GHR: variants seen among roughly 807,000 people sequenced by gnomAD.
GHR encodes GH receptor.
In GHR, 35 loss-of-function variants were observed where a neutral mutation model predicts 67.1. The observed-to-expected ratio is 0.52, with a 90% CI of 0.40 to 0.69. The LOEUF is 0.69. Among genes scored for constraint, GHR ranks in the 30% least tolerant of loss-of-function variants. GHR has a pLI of 0.00. For missense variants in GHR, 792 were observed against 764.6 expected, an observed-to-expected ratio of 1.04 and a Z score of -0.42; for synonymous variants, 272 against 269.1, an observed-to-expected ratio of 1.01 and a Z score of -0.10.
chr5:42,694,889 T>C, intron 4 of GHR, 28 bp from the exon 5 acceptor site: 2 of 1,546,032 alleles, frequency 1.3e-6, no homozygotes, highest in African/African-American at 2.7e-5. Flanking sequence ...TTTGGAACAA[T>C]TAATCTTTTT....
chr5:42,435,328 A>C (rs1430763758), intron 1 of GHR, among the ~76,000 whole-genome samples: 2 of 152,206 alleles, frequency 1.3e-5, no homozygotes. Context: ...CATAGTAAAA[A>C]TGAAAGATAT....
intron 3 of GHR, among the ~76,000 whole-genome samples, chr5:42,657,941 T>A (rs981538215): frequency 6.6e-6 from 1 of 152,206 alleles, no homozygotes; most frequent in Admixed American, 6.5e-5. Context: ...TTCATAGGTA[T>A]AAGTCTTATT....
At chr5:42,461,623 T>C (rs1231321261) in intron 1 of GHR, among the ~76,000 whole-genome samples, 1 of 152,222 alleles carries the variant, frequency 6.6e-6, no homozygotes, top group African/African-American at 2.4e-5. Context: ...CAGTCCCCAG[T>C]AGGAGAATTC....
At chr5:42,588,983 A>G (rs1190950662) in intron 2 of GHR, among the ~76,000 whole-genome samples, 1 of 152,244 alleles carries the variant, frequency 6.6e-6, no homozygotes, top group African/African-American at 2.4e-5. Context: ...GAAAAACATT[A>G]GATGAACAAC....
At chr5:42,612,478 A>C (rs1428838827) in intron 2 of GHR, among the ~76,000 whole-genome samples, 1 of 152,114 alleles carries the variant, frequency 6.6e-6, no homozygotes, top group African/African-American at 2.4e-5. Flanking sequence ...TCTAGAATTT[A>C]ACTGTTGTTT....
intron 1 of GHR, among the ~76,000 whole-genome samples, chr5:42,481,898 C>T (rs949612469): frequency 6.6e-6 from 1 of 152,160 alleles, no homozygotes; most frequent in Non-Finnish European, 1.5e-5. Context: ...AAGTCATTCT[C>T]CATCCATCTT....
intron 3 of GHR, among the ~76,000 whole-genome samples, chr5:42,678,400 T>C (rs149143773): frequency 2.0e-4 from 31 of 152,310 alleles, no homozygotes; most frequent in Admixed American, 4.6e-4. Context: ...AATATCACCA[T>C]CACAGTGGTG....
intron 3 of GHR, among the ~76,000 whole-genome samples, chr5:42,671,247 G>A (rs1409713751): frequency 6.6e-6 from 1 of 152,054 alleles, no homozygotes; most frequent in African/African-American, 2.4e-5. Context: ...TTTATTCATG[G>A]CAGAAGGTGA....
intron 2 of GHR, among the ~76,000 whole-genome samples, chr5:42,600,702 C>T (rs1259246786): frequency 6.6e-6 from 1 of 152,170 alleles, no homozygotes; most frequent in Non-Finnish European, 1.5e-5. Flanking sequence ...GGTATGACAC[C>T]TGGCCTACCA....
intron 6 of GHR, among the ~76,000 whole-genome samples, chr5:42,709,276 G>A (rs545676638): frequency 6.6e-6 from 1 of 152,260 alleles, no homozygotes; most frequent in African/African-American, 2.4e-5. Context: ...TAGGATTACA[G>A]GCGCAAGCCA....
At chr5:42,627,636 A>G (rs951683799) in intron 2 of GHR, among the ~76,000 whole-genome samples, 3 of 152,212 alleles carry the variant, frequency 2.0e-5, no homozygotes, top group Non-Finnish European at 2.9e-5. Context: ...CAGTTGCCCC[A>G]CTGCTCAAAC....
chr5:42,672,621 G>GACCCCT (rs1185032444), intron 3 of GHR, among the ~76,000 whole-genome samples: 1 of 152,042 alleles, frequency 6.6e-6, no homozygotes, highest in Non-Finnish European at 1.5e-5. Context: ...AATGAAACTG[G>GACCCCT]ACCCCTACCT....
At chr5:42,550,724 G>A (rs1045863582) in intron 1 of GHR, among the ~76,000 whole-genome samples, 7 of 152,164 alleles carry the variant, frequency 4.6e-5, no homozygotes, top group African/African-American at 1.2e-4. Context: ...GGTAGCCACC[G>A]ATGGGGGAAG....
chr5:42,579,408 C>T (rs1751039587), intron 2 of GHR, among the ~76,000 whole-genome samples: 1 of 152,142 alleles, frequency 6.6e-6, no homozygotes, highest in Admixed American at 6.5e-5. Flanking sequence ...CTTCTTTAAA[C>T]CTCTTCTACA....
intron 5 of GHR, among the ~76,000 whole-genome samples, chr5:42,695,853 C>G (rs547144866): frequency 6.6e-6 from 1 of 152,214 alleles, no homozygotes; most frequent in African/African-American, 2.4e-5. Context: ...ATAGGAATTT[C>G]TCGTTGCTTC....
intron 1 of GHR, chr5:42,548,671 T>C (rs143654044): frequency 3.1e-4 from 51 of 165,688 alleles, no homozygotes; most frequent in Non-Finnish European, 5.1e-4. Flanking sequence ...TCCCACTTCG[T>C]TCTTCCCTCT....
rs1244033553 is a variant in GHR at position 42,721,490 on chromosome 5, G to C, written c.*2066G>C. 6.6e-6 allele frequency: 1 copy of C among 152,592 alleles called. No individual in the cohort carries two copies. The highest frequency in any genetic ancestry group is 2.1e-4 in the South Asian group (1 of 4,834). 9.5% of individuals were successfully genotyped at this position (152,592 alleles called of 1,614,324 possible). A position where few individuals can be genotyped will look rare whatever the true frequency, so the allele number is the denominator to read the frequency against. On this transcript the variant is annotated 3_prime_UTR_variant, in exon 10 of 10. Coordinates refer to ENST00000230882, the MANE Select transcript of GHR (RefSeq NM_000163.5). ...AAAGTTCAACATGTTATTTGTAATAGATGTTTGATAGATTTTCTGCTACTT... is the reference window on the plus strand; with the variant it reads ...AAAGTTCAACATGTTATTTGTAATACATGTTTGATAGATTTTCTGCTACTT...
intron 1 of GHR, among the ~76,000 whole-genome samples, chr5:42,555,718 G>A (rs1202278568): frequency 3.9e-5 from 6 of 152,134 alleles, no homozygotes; most frequent in Non-Finnish European, 8.8e-5. Context: ...AGATGTTGTA[G>A]TGAACATCTA....
chr5:42,604,838 C>T (rs1739760364), intron 2 of GHR, among the ~76,000 whole-genome samples: 1 of 151,940 alleles, frequency 6.6e-6, no homozygotes, highest in African/African-American at 2.4e-5. Flanking sequence ...CACATAAACT[C>T]AGTGAGCATC....
Sources: gnomAD v4.1 joint callset for allele counts (sites outside exome capture counted in the v4.1 genomes callset) on GRCh38, gnomAD v4.1.1 for gene constraint, MANE v1.5 for transcripts, NCBI Gene and HGNC (gene_info 2026-07-23, HGNC 2026-07-21) for gene names.